The following RBMS3 variants were observed in gnomAD, a reference collection of about 807,000 sequenced individuals.
The protein encoded by RBMS3 is RNA-binding motif, single-stranded-interacting protein 3.
Under a neutral mutation model 66.8 loss-of-function variants are expected in RBMS3, and 27 were observed. That is an observed-to-expected ratio of 0.40 (90% CI 0.30 to 0.56). The LOEUF (loss-of-function observed/expected upper bound fraction) is 0.56. RBMS3 is among the 20% of genes least tolerant of loss of function. The pLI, the probability that RBMS3 is intolerant of heterozygous loss-of-function variation, is 0.40. For missense variants in RBMS3, 513 were observed against 549.5 expected (o/e 0.93, Z 0.66); for synonymous variants, 188 against 183.0 (o/e 1.03, Z -0.22).
intron 6 of RBMS3, chr3:29,767,461 T>C (rs1411635758): frequency 3.3e-5 from 5 of 151,982 alleles, no homozygotes; most frequent in Non-Finnish European, 7.4e-5. Context: ...AGAGAAAGCC[T>C]ACCACATTAT....
chr3:29,322,048 G>A (rs1028724621), intron 1 of RBMS3, among the ~76,000 whole-genome samples: 15 of 152,040 alleles, frequency 9.9e-5, no homozygotes, highest in African/African-American at 3.6e-4. Flanking sequence ...AATAACAATG[G>A]TTTTGCCAGG....
At chr3:29,517,772 A>T (rs1277417293) in intron 3 of RBMS3, among the ~76,000 whole-genome samples, 2 of 152,190 alleles carry the variant, frequency 1.3e-5, no homozygotes, top group Non-Finnish European at 2.9e-5. Flanking sequence ...AAGTTAAGAG[A>T]AGAAATCATA....
intron 4 of RBMS3, among the ~76,000 whole-genome samples, chr3:29,692,272 G>C (rs1041668943): frequency 4.0e-5 from 6 of 151,838 alleles, no homozygotes; most frequent in Admixed American, 1.3e-4. Context: ...GTGAGCCACC[G>C]CGCCCGACCT....
intron 4 of RBMS3, among the ~76,000 whole-genome samples, chr3:29,655,173 G>T (rs1324627247): frequency 1.3e-5 from 2 of 152,154 alleles, no homozygotes; most frequent in African/African-American, 2.4e-5. Flanking sequence ...GAGGTCATCT[G>T]GTTAAGCTCT....
At chr3:29,508,564 T>G (rs530687449) in intron 3 of RBMS3, among the ~76,000 whole-genome samples, 1 of 152,128 alleles carries the variant, frequency 6.6e-6, no homozygotes, top group Non-Finnish European at 1.5e-5. Flanking sequence ...TATTCCATGG[T>G]GTATATATGC....
At chr3:29,543,115 C>T (rs2045826853) in intron 3 of RBMS3, among the ~76,000 whole-genome samples, 1 of 152,052 alleles carries the variant, frequency 6.6e-6, no homozygotes, top group Non-Finnish European at 1.5e-5. Context: ...AGAGTGAAAG[C>T]CATGTTTCTC....
chr3:29,535,042 G>A (rs1371228643), intron 3 of RBMS3, among the ~76,000 whole-genome samples: 7 of 152,104 alleles, frequency 4.6e-5, no homozygotes, highest in Non-Finnish European at 1.0e-4. Context: ...TTATTCCTGT[G>A]AATAAAACTG....
chr3:29,515,888 G>T (rs62236919), intron 3 of RBMS3, among the ~76,000 whole-genome samples: 2 of 152,198 alleles, frequency 1.3e-5, no homozygotes, highest in African/African-American at 4.8e-5. Flanking sequence ...TAACATGGTC[G>T]TGGGTTCTTA....
chr3:29,884,210 T>A lies in RBMS3; in HGVS notation c.791+2T>A. ...CCCCACAGCTGCCATACAGAATGGG[T>A]AAGTAGATCACATTTTCTCTATTTT... On this transcript the variant is annotated splice_donor_variant, in intron 8 of 14. Transcript: ENST00000383767. LOFTEE classifies it high-confidence loss of function. 1 of 1,607,248 alleles carries A rather than the reference T, an allele frequency of 6.2e-7. No individual in the cohort carries two copies. The highest frequency in any genetic ancestry group is 8.5e-7 in the Non-Finnish European group (1 of 1,174,450).
At chr3:29,893,357 C>G (rs1317009392) in intron 8 of RBMS3, among the ~76,000 whole-genome samples, 1 of 151,384 alleles carries the variant, frequency 6.6e-6, no homozygotes, top group Non-Finnish European at 1.5e-5. Context: ...CTCTGTTTTC[C>G]CCATAGAATT....
intron 3 of RBMS3, among the ~76,000 whole-genome samples, chr3:29,505,389 G>A (rs2044143344): frequency 6.6e-6 from 1 of 151,774 alleles, no homozygotes; most frequent in African/African-American, 2.4e-5. Context: ...TTGTTTCTGG[G>A]ATCTCTATTC....
At chr3:29,366,789 T>G (rs1197514419) in intron 1 of RBMS3, among the ~76,000 whole-genome samples, 1 of 152,172 alleles carries the variant, frequency 6.6e-6, no homozygotes, top group Admixed American at 6.5e-5. Context: ...AGATTAATCT[T>G]CCTGCATCAT....
chr3:29,317,803 G>A (rs1033270586), intron 1 of RBMS3, among the ~76,000 whole-genome samples: 1 of 151,602 alleles, frequency 6.6e-6, no homozygotes, highest in South Asian at 2.1e-4. Context: ...CTCATCTTTA[G>A]TTTTCTTCTT....
chr3:29,391,612 C>G (rs1387323207), intron 1 of RBMS3, among the ~76,000 whole-genome samples: 1 of 152,038 alleles, frequency 6.6e-6, no homozygotes, highest in Non-Finnish European at 1.5e-5. Flanking sequence ...TCCTAGCATG[C>G]TATTTAAATC....
chr3:29,351,441 T>C (rs2036906152), intron 1 of RBMS3, among the ~76,000 whole-genome samples: 1 of 152,128 alleles, frequency 6.6e-6, no homozygotes, highest in Non-Finnish European at 1.5e-5. Context: ...TATTTACAAA[T>C]GTTTGCCAAT....
intron 6 of RBMS3, among the ~76,000 whole-genome samples, chr3:29,855,693 A>G (rs1274323915): frequency 1.3e-5 from 2 of 152,230 alleles, no homozygotes; most frequent in African/African-American, 4.8e-5. Context: ...ATATTTTAAA[A>G]GCCTGACAGA....
At chr3:29,459,661 G>A (rs1178539259) in intron 2 of RBMS3, among the ~76,000 whole-genome samples, 1 of 152,220 alleles carries the variant, frequency 6.6e-6, no homozygotes, top group Non-Finnish European at 1.5e-5. Context: ...CCCAGCCCAT[G>A]AGGACCCTAG....
At chr3:29,287,923 T>A (rs1447564319) in intron 1 of RBMS3, among the ~76,000 whole-genome samples, 2 of 152,050 alleles carry the variant, frequency 1.3e-5, no homozygotes, top group Non-Finnish European at 2.9e-5. Context: ...TATTTTTTTT[T>A]ATTTTAAGTT....
At chr3:29,332,728 G>C (rs72851229) in intron 1 of RBMS3, among the ~76,000 whole-genome samples, 27,430 of 152,080 alleles carry the variant, frequency 0.18, 2,521 homozygotes, top group Middle Eastern at 0.29. Flanking sequence ...TGAAATAAAA[G>C]AGTGATCAGA....
Sources: allele counts gnomAD v4.1 joint callset (sites outside exome capture counted in the v4.1 genomes callset), GRCh38; gene constraint gnomAD v4.1.1; transcripts MANE v1.5; gene names NCBI Gene and HGNC (gene_info 2026-07-23, HGNC 2026-07-21).